The following RABL2B variants were observed in gnomAD, a reference collection of about 807,000 sequenced individuals.
RABL2B encodes RAB, member of RAS oncogene family like 2B.
In RABL2B, 17 loss-of-function variants were observed where a neutral mutation model predicts 26.7. That is an observed-to-expected ratio of 0.64 (90% CI 0.44 to 0.95). The LOEUF (loss-of-function observed/expected upper bound fraction) is 0.95, where lower values mean the gene tolerates loss of function less well. Among genes scored for constraint, RABL2B ranks in the 40% least tolerant of loss-of-function variants. The probability of loss-of-function intolerance (pLI) is 0.00; values close to 1 mark genes in which losing one functional copy is unlikely to be tolerated. For synonymous variants in RABL2B, 70 were observed against 103.9 expected (o/e 0.67, Z 1.99); for missense variants, 170 against 277.2 (o/e 0.61, Z 2.75).
At chr22:50,783,215 C>T (rs1317970807) in intron 1 of RABL2B, 6 of 167,452 alleles carry the variant, frequency 3.6e-5, no homozygotes, top group Non-Finnish European at 6.4e-5. Context: ...ATCCTCCCTC[C>T]TCGGCATCCC....
intron 4 of RABL2B, 70 bp from the exon 5 acceptor site, chr22:50,775,921 C>T (rs2147184393): frequency 1.9e-6 from 3 of 1,600,234 alleles, no homozygotes; most frequent in Admixed American, 1.7e-5. Flanking sequence ...ATACAACACA[C>T]ATGCGGCACA....
At position 50,770,913 on chromosome 22, in the gene RABL2B, T is replaced by A. The variant is rs575711082; in HGVS notation, c.298-897A>T. On this transcript the variant is annotated intron_variant, in intron 5 of 8. Transcript: ENST00000691320. The stretch of plus-strand genomic sequence containing the variant: ...CGCATTAATTTTTATTTTTTTATTT[T>A]TTTTTTTTTGTAGAGGCAGGCTCTC... Among the ~76,000 whole-genome samples the A allele has an allele frequency of 1.3e-3, 182 of 143,808 alleles. 5 individuals are homozygous for A. Among genetic ancestry groups the A allele is most frequent in the African/African-American group, 4.1e-3 (155 of 37,810 alleles). 94.3% of individuals were successfully genotyped at this position (143,808 alleles called of 152,430 possible).
intron 5 of RABL2B, among the ~76,000 whole-genome samples, chr22:50,770,728 A>G (rs1289108549): frequency 6.6e-6 from 1 of 151,824 alleles, no homozygotes; most frequent in African/African-American, 2.4e-5. Context: ...CTAGAGTTTT[A>G]CTTTAGTTAC....
Position 50,777,580 on chromosome 22 carries a change from T to A in RABL2B, c.137+372A>T, listed in dbSNP as rs372391971. ...CAAAGTTCATTCATATCAGAGATTT[T>A]TTTCAATAGTAGGGGGCCCAAGCTT... is the stretch of plus-strand genomic sequence containing the variant. On this transcript the variant is annotated intron_variant, in intron 3 of 8. Coordinates refer to ENST00000691320, the MANE Select transcript of RABL2B (RefSeq NM_001130919.3). 887 of 310,170 alleles carry A rather than the reference T, an allele frequency of 2.9e-3. 11 individuals are homozygous for A. The highest frequency in any genetic ancestry group is 0.02 in the African/African-American group (850 of 41,674). 19.2% of individuals were successfully genotyped at this position (310,170 alleles called of 1,614,324 possible).
intron 5 of RABL2B, among the ~76,000 whole-genome samples, chr22:50,770,662 C>T (rs1473293952): frequency 2.0e-5 from 3 of 151,928 alleles, no homozygotes; most frequent in African/African-American, 4.8e-5. Context: ...TTTTAGTCCT[C>T]TTGTATTTAT....
At chr22:50,772,519 C>A in intron 5 of RABL2B, 1 of 991,040 alleles carries the variant, frequency 1.0e-6, no homozygotes, top group Non-Finnish European at 1.2e-6. Flanking sequence ...CAGACAACCA[C>A]CACCCTGTAA....
chr22:50,772,535 G>T (rs1186726194), intron 5 of RABL2B: 15 of 991,904 alleles, frequency 1.5e-5, no homozygotes, highest in African/African-American at 1.7e-5. Context: ...TGTAACCGCT[G>T]GCACAGCTGA....
chr22:50,779,389 T>G (rs868973976), intron 2 of RABL2B, among the ~76,000 whole-genome samples: 1 of 150,110 alleles, frequency 6.7e-6, no homozygotes, highest in Admixed American at 6.6e-5. Flanking sequence ...CAAAAATATT[T>G]AGAGTAGGCA....
chr22:50,781,632 C>T (rs1407652228), intron 2 of RABL2B, among the ~76,000 whole-genome samples: 5 of 152,176 alleles, frequency 3.3e-5, no homozygotes, highest in Non-Finnish European at 5.9e-5. Flanking sequence ...CATGTGCCCT[C>T]AGCAGTCCTA....
At chr22:50,769,403 C>T (rs782176113) in intron 7 of RABL2B, 52 bp downstream of exon 7, 3 of 1,611,074 alleles carry the variant, frequency 1.9e-6, no homozygotes, top group Admixed American at 3.3e-5. Context: ...CACAGCTTCC[C>T]TTTACCACCT....
intron 3 of RABL2B, among the ~76,000 whole-genome samples, chr22:50,777,092 G>A (rs1223647194): frequency 6.6e-6 from 1 of 152,130 alleles, no homozygotes; most frequent in Non-Finnish European, 1.5e-5. Context: ...TGGAGCTTTC[G>A]CAGGCTAGAA....
intron 5 of RABL2B, among the ~76,000 whole-genome samples, chr22:50,770,965 C>T (rs2084067317): frequency 6.7e-6 from 1 of 149,636 alleles, no homozygotes; most frequent in Admixed American, 6.6e-5. Flanking sequence ...TCATCTCAAA[C>T]TCTTGGCCTC....
rs1304428271 is a variant in RABL2B, at chr22:50,771,924, T to A, written c.298-1908A>T. On this transcript the variant is annotated intron_variant, in intron 5 of 8. Transcript: ENST00000691320. The stretch of plus-strand genomic sequence containing the variant: ...TGTGCCCGGCCTCTTTAAATTTTTT[T>A]AAAGTAATTTTTATGTTTTATTATT... 3.3e-5 allele frequency: 5 copies of A among 152,308 alleles called. No homozygotes were observed. In the East Asian group the frequency reaches 7.7e-4, roughly 23 times the overall value. 9.4% of individuals were successfully genotyped at this position (152,308 alleles called of 1,614,324 possible). A position where few individuals can be genotyped will look rare whatever the true frequency, so the allele number is the denominator to read the frequency against.
intron 5 of RABL2B, chr22:50,771,142 A>G (rs1555918221): frequency 6.6e-6 from 1 of 151,568 alleles, no homozygotes; most frequent in Non-Finnish European, 1.5e-5. Context: ...TTCTGTGTTC[A>G]AGTGATTCTC....
chr22:50,772,731 T>C (rs1603449598), intron 5 of RABL2B: 1 of 1,056,064 alleles, frequency 9.5e-7, no homozygotes, highest in Non-Finnish European at 1.2e-6. Context: ...GAATTCCCGA[T>C]GAAGACTCCT....
rs781908870 is a variant in RABL2B, at chr22:50,769,385, C to T, written c.507+70G>A. On this transcript the variant is annotated intron_variant, in intron 7 of 8. Coordinates refer to ENST00000691320, the MANE Select transcript of RABL2B (RefSeq NM_001130919.3). Reference sequence around the variant, plus strand: ...CTCTCCATCACACCTGCAGTAAGCCCTTCTCTTCACAGCTTCCCTTTACCA... The same window carrying T: ...CTCTCCATCACACCTGCAGTAAGCCTTTCTCTTCACAGCTTCCCTTTACCA... The T allele has an allele frequency of 2.4e-5, 39 of 1,611,684 alleles. No homozygotes were observed. In the African/African-American group the frequency reaches 4.9e-4, roughly 20 times the overall value.
intron 4 of RABL2B, 21 bp from the exon 5 acceptor site, chr22:50,775,872 G>C: frequency 6.2e-7 from 1 of 1,614,194 alleles, no homozygotes; most frequent in Non-Finnish European, 8.5e-7. Context: ...AACACAGACA[G>C]ACCTACATGC....
At chr22:50,782,566 G>C (rs1284279392) in intron 1 of RABL2B, among the ~76,000 whole-genome samples, 3 of 152,030 alleles carry the variant, frequency 2.0e-5, no homozygotes, top group Admixed American at 1.3e-4. Flanking sequence ...TGCTCCTCAC[G>C]TTACCCATTT....
intron 2 of RABL2B, among the ~76,000 whole-genome samples, chr22:50,781,695 TC>T (rs2085907810): frequency 1.3e-5 from 2 of 152,228 alleles, no homozygotes; most frequent in Admixed American, 1.3e-4. Context: ...CGGCAGAGCC[TC>T]CCTTCACCTC....
Sources: gnomAD v4.1 joint callset for allele counts (sites outside exome capture counted in the v4.1 genomes callset) on GRCh38, gnomAD v4.1.1 for gene constraint, MANE v1.5 for transcripts, NCBI Gene and HGNC (gene_info 2026-07-23, HGNC 2026-07-21) for gene names.